The following SGO2 variants were observed in gnomAD, a reference collection of about 807,000 sequenced individuals.
SGO2 encodes the protein shugoshin 2, also known as shugoshin-like 2.
SGO2 carries 68 observed loss-of-function variants against 99.5 expected under a neutral mutation model. That is an observed-to-expected ratio of 0.68 (90% confidence interval 0.56 to 0.84). The LOEUF is 0.84. Ranked by LOEUF, SGO2 falls within the 40% of genes least tolerant of loss-of-function variation. SGO2 has a pLI of 0.00. For missense variants in SGO2, 1,350 were observed against 1,436.7 expected, an observed-to-expected ratio of 0.94 and a Z score of 0.97; for synonymous variants, 457 against 487.1, an observed-to-expected ratio of 0.94 and a Z score of 0.81.
At chr2:200,559,159 T>C (rs2032842187) in intron 5 of SGO2, among the ~76,000 whole-genome samples, 1 of 152,192 alleles carries the variant, frequency 6.6e-6, no homozygotes, top group African/African-American at 2.4e-5. Flanking sequence ...TTTCTTCTTA[T>C]GTTAGGTTTG....
intron 5 of SGO2, among the ~76,000 whole-genome samples, chr2:200,568,743 C>T (rs904563740): frequency 6.6e-6 from 1 of 152,168 alleles, no homozygotes; most frequent in Non-Finnish European, 1.5e-5. Flanking sequence ...ACTCTTCTTC[C>T]AAGTGTTGGC....
chr2:200,554,132 C>T (rs1429625351), intron 5 of SGO2, among the ~76,000 whole-genome samples: 1 of 152,158 alleles, frequency 6.6e-6, no homozygotes, highest in Non-Finnish European at 1.5e-5. Flanking sequence ...AACTAGTTTT[C>T]AAATTCTAGA....
At chr2:200,527,539 A>G (rs2031158890) in intron 1 of SGO2, among the ~76,000 whole-genome samples, 3 of 152,178 alleles carry the variant, frequency 2.0e-5, no homozygotes, top group Admixed American at 2.0e-4. Context: ...CTTATTCCCC[A>G]TTGCAGAAAT....
At chr2:200,574,416 T>A (rs1012902331) in intron 7 of SGO2, among the ~76,000 whole-genome samples, 20 of 152,002 alleles carry the variant, frequency 1.3e-4, no homozygotes, top group Admixed American at 1.2e-3. Flanking sequence ...TTCTAGATAT[T>A]ATAGAGGACT....
At chr2:200,544,573 C>T (rs890951206) in intron 5 of SGO2, among the ~76,000 whole-genome samples, 1 of 152,216 alleles carries the variant, frequency 6.6e-6, no homozygotes, top group Non-Finnish European at 1.5e-5. Context: ...TGAGCCACCA[C>T]ACCTGACTTG....
chr2:200,573,751 A>C lies in SGO2; in HGVS notation c.3405A>C (p.Ala1135=). The C allele has an allele frequency of 6.2e-7, 1 of 1,611,720 alleles. No homozygotes were observed. Among genetic ancestry groups the C allele is most frequent in the Non-Finnish European group, 8.5e-7 (1 of 1,179,050 alleles). ...VKNKPDFYTK[A]FRSLSEIHSP... The stretch of plus-strand genomic sequence containing the variant: ...ATAAGCCAGACTTTTACACAAAGGC[A>C]TTTAGATCTTTGTCTGAGATACATT... The change falls in exon 7 of 9, where the codon GCA becomes GCC. Residue 1135 remains alanine (A), a synonymous_variant. Coordinates refer to ENST00000357799, the MANE Select transcript of SGO2 (RefSeq NM_152524.6).
intron 5 of SGO2, chr2:200,543,132 G>T (rs367947873): frequency 5.3e-5 from 8 of 152,240 alleles, no homozygotes; most frequent in African/African-American, 1.9e-4. Flanking sequence ...GTGAAACCCC[G>T]TCTCTACTAA....
At chr2:200,557,458 C>A (rs918110530) in intron 5 of SGO2, among the ~76,000 whole-genome samples, 3 of 152,142 alleles carry the variant, frequency 2.0e-5, no homozygotes, top group African/African-American at 7.2e-5. Flanking sequence ...ATCATCCCTT[C>A]ATGGTTTGCC....
Position 200,555,636 on chromosome 2 carries a change from A to G in SGO2, c.473+12972A>G, listed in dbSNP as rs143838288. 1.5e-3 allele frequency among the ~76,000 whole-genome samples: 228 copies of G among 152,286 alleles called. 2 individuals are homozygous for G. Among genetic ancestry groups the G allele is most frequent in the Non-Finnish European group, 2.4e-3 (161 of 68,026 alleles). On this transcript the variant is annotated intron_variant, in intron 5 of 8. Transcript: ENST00000357799. Reference sequence around the variant, plus strand: ...ACATTTCCATACCTTCCAGGTGGCCAAGAGCATGCTTTTCTGATCCAAACA... The same window carrying G: ...ACATTTCCATACCTTCCAGGTGGCCGAGAGCATGCTTTTCTGATCCAAACA...
In SGO2 at chr2:200,575,349, GT is replaced by G; in HGVS notation, c.3673del (p.Ser1225GlnfsTer39). On this transcript the variant is annotated frameshift_variant, in exon 8 of 9. Coordinates refer to ENST00000357799, the MANE Select transcript of SGO2 (RefSeq NM_152524.6). LOFTEE classifies it high-confidence loss of function. ...ACAGGACTTGTCAAATACCAGTTTT[GT>G]TTCAAATAACACTGCTGAATCTGAA... The part of the protein sequence containing the change: ...PLQDLSNTSF[V>X]SNNTAESENK... 6 of 1,604,856 alleles carry G rather than the reference GT, an allele frequency of 3.7e-6. No homozygotes were observed. Among genetic ancestry groups the G allele is most frequent in the Non-Finnish European group, 5.1e-6 (6 of 1,174,484 alleles).
Position 200,573,007 on chromosome 2 carries a change from A to G in SGO2, c.2661A>G (p.Lys887=), listed in dbSNP as rs1281859814. The G allele has an allele frequency of 6.3e-7, 1 of 1,575,534 alleles. No homozygotes were observed. Among genetic ancestry groups the G allele is most frequent in the Non-Finnish European group, 8.6e-7 (1 of 1,166,594 alleles). The change falls in exon 7 of 9, where the codon AAA becomes AAG. Residue 887 remains lysine (K), a synonymous_variant. Coordinates refer to ENST00000357799, the MANE Select transcript of SGO2 (RefSeq NM_152524.6). The part of the protein sequence containing the change: ...DYDTQNILEL[K]KYVTDRKSAE... ...ACACCCAGAATATATTGGAGTTGAA[A>G]AAGTATGTTACTGATAGGAAATCTG...
At chr2:200,527,322 T>C (rs1018321022) in intron 1 of SGO2, among the ~76,000 whole-genome samples, 6 of 152,158 alleles carry the variant, frequency 3.9e-5, no homozygotes, top group Non-Finnish European at 8.8e-5. Context: ...TAAAGTGAGA[T>C]TTGATATTCC....
At chr2:200,539,457 G>T (rs188994630) in intron 4 of SGO2, among the ~76,000 whole-genome samples, 19 of 151,872 alleles carry the variant, frequency 1.3e-4, no homozygotes, top group Admixed American at 2.0e-4. Flanking sequence ...TCTTTTAAAA[G>T]AATCATCTTT....
rs559390207 is a variant in SGO2 at position 200,532,952 on chromosome 2, A to AT, written c.-2-13dup. 3.4e-4 allele frequency: 526 copies of AT among 1,544,570 alleles called. 2 individuals are homozygous for AT. Among genetic ancestry groups the AT allele is most frequent in the South Asian group, 2.3e-3 (191 of 84,420 alleles). On this transcript the variant is annotated intron_variant, in intron 1 of 8. Transcript: ENST00000357799. ...TTTTCTTTTATTAATCAATACTATG[A>AT]TTTTTTTTTCTTTCACTTCAGTGAT...
chr2:200,531,298 A>T (rs1237240834), intron 1 of SGO2, among the ~76,000 whole-genome samples: 4 of 152,220 alleles, frequency 2.6e-5, no homozygotes. Flanking sequence ...GAGTGAGGAT[A>T]TGAAATAATT....
chr2:200,542,743 A>G, intron 5 of SGO2, 79 bp downstream of exon 5: 1 of 1,248,408 alleles, frequency 8.0e-7, no homozygotes, highest in South Asian at 1.3e-5. Context: ...TGTATTGTAC[A>G]GTGTTCAGGA....
In SGO2 at chr2:200,565,040, C is replaced by T. The variant is rs574903071; in HGVS notation, c.474-4623C>T. ...AATTTGCCAGTCTGTGTCTTTTAACCGGAGCATTTAGCCCATTTACATTTA... is the reference window on the plus strand; with the variant it reads ...AATTTGCCAGTCTGTGTCTTTTAACTGGAGCATTTAGCCCATTTACATTTA... On this transcript the variant is annotated intron_variant, in intron 5 of 8. Transcript: ENST00000357799. Among the ~76,000 whole-genome samples the T allele has an allele frequency of 1.2e-3, 184 of 152,162 alleles. 1 individual carries two copies. The highest frequency in any genetic ancestry group is 4.0e-3 in the African/African-American group (168 of 41,516).
intron 5 of SGO2, among the ~76,000 whole-genome samples, chr2:200,550,515 G>A (rs2032429939): frequency 6.6e-6 from 1 of 152,102 alleles, no homozygotes. Flanking sequence ...AGATACCAAT[G>A]GAACAGAGAA....
intron 4 of SGO2, among the ~76,000 whole-genome samples, chr2:200,537,811 C>A (rs2031762746): frequency 6.6e-6 from 1 of 152,180 alleles, no homozygotes; most frequent in South Asian, 2.1e-4. Context: ...TACTTGGCAT[C>A]TGTTTGGATG....
Sources: allele counts gnomAD v4.1 joint callset (sites outside exome capture counted in the v4.1 genomes callset), GRCh38; gene constraint gnomAD v4.1.1; transcripts MANE v1.5; gene names NCBI Gene and HGNC (gene_info 2026-07-23, HGNC 2026-07-21).